Variants in ATXN1L observed in about 807,000 individuals in gnomAD.
ATXN1L encodes ataxin-1-like.
A neutral mutation model predicts 43.4 loss-of-function variants in ATXN1L; 8 were observed. That is an observed-to-expected ratio of 0.18 (90% CI 0.11 to 0.33). The LOEUF (loss-of-function observed/expected upper bound fraction) is 0.33, where lower values mean the gene tolerates loss of function less well. Among genes scored for constraint, ATXN1L ranks in the 10% least tolerant of loss-of-function variants. The pLI is 1.00. For synonymous variants in ATXN1L, 379 were observed against 360.6 expected, an observed-to-expected ratio of 1.05 and a Z score of -0.58; for missense variants, 856 against 885.4, an observed-to-expected ratio of 0.97 and a Z score of 0.42.
At chr16:71,847,081 A>G (rs752241444) in intron 1 of ATXN1L, among the ~76,000 whole-genome samples, 1 of 152,180 alleles carries the variant, frequency 6.6e-6, no homozygotes, top group Non-Finnish European at 1.5e-5. Context: ...GTGTTTTCCT[A>G]TCCTTCCACC....
In ATXN1L at chr16:71,849,986, G is replaced by A. The variant is rs1403967343; in HGVS notation, c.246G>A (p.Leu82=). ...TGACAGTGGACCAGTATGGCATGCT[G>A]TATAAGGTGGCTGTGCCGCCTGCCA... ...TGLTVDQYGM[L]YKVAVPPATF... Residue 82 remains leucine, a synonymous_variant, in exon 3 of 3, where the codon CTG becomes CTA. Coordinates refer to ENST00000427980, the MANE Select transcript of ATXN1L (RefSeq NM_001137675.4). 6 of 1,551,662 alleles carry A rather than the reference G, an allele frequency of 3.9e-6. No individual in the cohort carries two copies. In the South Asian group the frequency reaches 7.1e-5, roughly 18 times the overall value.
Position 71,850,611 on chromosome 16 carries a change from A to G in ATXN1L, c.871A>G (p.Asn291Asp). ...GGAAAGTGAAGCCCTTGACTCCCCC[A>G]ACAGCAAGGGTGAAGGCCAGGGACT... ...RRESEALDSP[N>D]SKGEGQGLVP... Residue 291 changes from asparagine to aspartate, a missense_variant, in exon 3 of 3, where the codon AAC (asparagine) becomes GAC (aspartate). Physicochemically the swap from Asn to Asp is conservative, Grantham distance 23. Transcript: ENST00000427980. 1.3e-6 allele frequency: 2 copies of G among 1,551,698 alleles called. No homozygotes were observed. Among genetic ancestry groups the G allele is most frequent in the Non-Finnish European group, 1.7e-6 (2 of 1,146,986 alleles).
Position 71,851,553 on chromosome 16 carries a change from C to T in ATXN1L, c.1813C>T (p.Arg605Ter). 1 of 1,551,554 alleles carries T rather than the reference C, an allele frequency of 6.4e-7. No homozygotes were observed. Among genetic ancestry groups the T allele is most frequent in the Non-Finnish European group, 8.7e-7 (1 of 1,146,946 alleles). The change falls in exon 3 of 3, where the codon CGA (arginine) becomes TGA (stop). Residue 605 changes from arginine to a stop codon, truncating the protein, a stop_gained. Transcript: ENST00000427980. LOFTEE classifies it high-confidence loss of function. This position sits in a 1 kb window ranked among gnomAD's most constrained non-coding sequence, Gnocchi z 4.9. ...CAPPSQLGPPRERPERTVLGS... is the reference protein window; with the variant it reads ...CAPPSQLGPP ...TCCCCCAAGCCAGCTGGGTCCCCCC[C>T]GAGAAAGGCCTGAGAGGACGGTCTT...
intron 1 of ATXN1L, among the ~76,000 whole-genome samples, chr16:71,846,915 A>G (rs1331246845): frequency 6.6e-6 from 1 of 152,124 alleles, no homozygotes; most frequent in African/African-American, 2.4e-5. Context: ...AGCAAGGATC[A>G]TTTTGGGATT....
chr16:71,851,847 GA>G lies in ATXN1L; in HGVS notation c.*38del. 1 of 1,385,644 alleles carries G rather than the reference GA, an allele frequency of 7.2e-7. No homozygotes were observed. The allele number at this position is 1,385,644 out of a possible 1,614,324, so 85.8% of individuals were successfully genotyped here. On this transcript the variant is annotated 3_prime_UTR_variant, in exon 3 of 3. Transcript: ENST00000427980. This position sits in a 1 kb window ranked among gnomAD's most constrained non-coding sequence, Gnocchi z 4.9. ...AGACCAGGACTGGGGCTTTACCCCA[GA>G]GCCTCGCCTCGCCGCCGTGAGCAGG...
At position 71,851,103 on chromosome 16, in the gene ATXN1L, C is replaced by A; in HGVS notation, c.1363C>A (p.Pro455Thr). ...CAGAGCCACCTTCCCAGACAAGGAG[C>A]CAACGCCGCCCCCCATTACCTCCTC... ...QARATFPDKE[P>T]TPPPITSSHL... The change falls in exon 3 of 3, where the codon CCA becomes ACA. Residue 455 changes from proline (P) to threonine (T), a missense_variant. This residue lies in a region of ATXN1L where 490 missense variants were observed against 449.4 expected (regional missense o/e 1.09). Transcript: ENST00000427980. The surrounding 1 kb of genome is among the most constrained non-coding windows in gnomAD (Gnocchi z 4.9). The A allele has an allele frequency of 6.4e-7, 1 of 1,551,602 alleles. No individual in the cohort carries two copies. Among genetic ancestry groups the A allele is most frequent in the Non-Finnish European group, 8.7e-7 (1 of 1,146,932 alleles).
At chr16:71,849,481 C>T (rs939993602) in intron 2 of ATXN1L, 143 bp from the exon 3 acceptor site, 15 of 329,724 alleles carry the variant, frequency 4.5e-5, no homozygotes, top group African/African-American at 8.5e-5. Flanking sequence ...GGGTAGCCTC[C>T]TTGTCTGCCC....
chr16:71,849,861 G>T lies in ATXN1L; in HGVS notation c.121G>T (p.Asp41Tyr), dbSNP rs754609244. The change falls in exon 3 of 3, where the codon GAT (aspartate) becomes TAT (tyrosine). Residue 41 changes from aspartate to tyrosine, a missense_variant. Physicochemically the swap from Asp to Tyr is radical, Grantham distance 160. Transcript: ENST00000427980. ...SCSTNHTPSS[D>Y]ASEWSRGVVV... ...CTCCACTAACCACACACCCTCCAGT[G>T]ATGCTTCTGAATGGTCCCGAGGGGT... 7.7e-6 allele frequency: 12 copies of T among 1,551,460 alleles called. No individual in the cohort carries two copies. The highest frequency in any genetic ancestry group is 1.0e-5 in the Non-Finnish European group (12 of 1,146,936).
intron 2 of ATXN1L, among the ~76,000 whole-genome samples, chr16:71,849,064 G>C (rs1392054936): frequency 6.6e-6 from 1 of 151,682 alleles, no homozygotes. Context: ...AAAATACAAA[G>C]TTAGCCAGGC....
chr16:71,850,909 G>C lies in ATXN1L; in HGVS notation c.1169G>C (p.Ser390Thr). ...AACCCTGCAGAGCTGGCAGAGAAAA[G>C]TCAGGCCCGTGGGTTCTACCCTCAG... ...ARNPAELAEKSQARGFYPQSH... is the reference protein window; with the variant it reads ...ARNPAELAEKTQARGFYPQSH... Residue 390 changes from serine to threonine, a missense_variant, in exon 3 of 3, where the codon AGT becomes ACT. By Grantham distance (58) the Ser-to-Thr change is moderately conservative. This residue lies in a region of ATXN1L where 490 missense variants were observed against 449.4 expected (regional missense o/e 1.09). Coordinates refer to ENST00000427980, the MANE Select transcript of ATXN1L (RefSeq NM_001137675.4). 1 of 1,551,684 alleles carries C rather than the reference G, an allele frequency of 6.4e-7. No homozygotes were observed. The highest frequency in any genetic ancestry group is 8.7e-7 in the Non-Finnish European group (1 of 1,146,952).
At chr16:71,847,885 C>T (rs555612589) in intron 1 of ATXN1L, 125 bp from the exon 2 acceptor site, 7 of 295,854 alleles carry the variant, frequency 2.4e-5, no homozygotes, top group Middle Eastern at 4.1e-4. Flanking sequence ...TACTGTTTAC[C>T]TGTGGAGAAG....
chr16:71,847,337 T>C (rs1014879949), intron 1 of ATXN1L, among the ~76,000 whole-genome samples: 1 of 152,210 alleles, frequency 6.6e-6, no homozygotes, highest in African/African-American at 2.4e-5. Flanking sequence ...GTTAGCCAGC[T>C]GAGGACCAAG....
In ATXN1L at chr16:71,852,937, ATC is replaced by A. The variant is rs1240949586; in HGVS notation, c.*1130_*1131del. ...TTCAGCTATAATCTCTATTTTTAAA[ATC>A]TCAAAATCATGTCCCCTCCACTTCC... On this transcript the variant is annotated 3_prime_UTR_variant, in exon 3 of 3. Transcript: ENST00000427980. The A allele has an allele frequency of 1.2e-5, 2 of 167,054 alleles. No individual in the cohort carries two copies. Among genetic ancestry groups the A allele is most frequent in the Non-Finnish European group, 2.9e-5 (2 of 68,136 alleles). 10.3% of individuals were successfully genotyped at this position (167,054 alleles called of 1,614,324 possible). A position where few individuals can be genotyped will look rare whatever the true frequency, so the allele number is the denominator to read the frequency against.
rs574410412 is a variant in ATXN1L at position 71,851,107 on chromosome 16, C to T, written c.1367C>T (p.Thr456Met). 19 of 1,551,576 alleles carry T rather than the reference C, an allele frequency of 1.2e-5. No homozygotes were observed. Among genetic ancestry groups the T allele is most frequent in the African/African-American group, 5.5e-5 (4 of 73,138 alleles). Residue 456 changes from threonine to methionine, a missense_variant, in exon 3 of 3, where the codon ACG (threonine) becomes ATG (methionine). By Grantham distance (81) the Thr-to-Met change is moderately conservative (BLOSUM62 -1). This residue lies in a region of ATXN1L where 490 missense variants were observed against 449.4 expected (regional missense o/e 1.09). Transcript: ENST00000427980. This position sits in a 1 kb window ranked among gnomAD's most constrained non-coding sequence, Gnocchi z 4.9. Reference sequence around the variant, plus strand: ...GCCACCTTCCCAGACAAGGAGCCAACGCCGCCCCCCATTACCTCCTCTCAC... The same window carrying T: ...GCCACCTTCCCAGACAAGGAGCCAATGCCGCCCCCCATTACCTCCTCTCAC... ...ARATFPDKEP[T>M]PPPITSSHLP... is the part of the protein sequence containing the mutation.
chr16:71,848,976 A>T (rs2033470093), intron 2 of ATXN1L, among the ~76,000 whole-genome samples: 1 of 151,910 alleles, frequency 6.6e-6, no homozygotes, highest in East Asian at 1.9e-4. Flanking sequence ...GCACTTTGGG[A>T]GGCTGAGGTG....
In ATXN1L at chr16:71,850,136, C is replaced by T. The variant is rs1487598565; in HGVS notation, c.396C>T (p.Leu132=). 1 of 1,551,764 alleles carries T rather than the reference C, an allele frequency of 6.4e-7. No individual in the cohort carries two copies. Among genetic ancestry groups the T allele is most frequent in the East Asian group, 2.4e-5 (1 of 40,920 alleles). Residue 132 remains leucine, a synonymous_variant, in exon 3 of 3, where the codon CTC becomes CTT. Coordinates refer to ENST00000427980, the MANE Select transcript of ATXN1L (RefSeq NM_001137675.4). ...IHYPPLHYAQ[L]PSTSLQFIGS... The stretch of plus-strand genomic sequence containing the variant: ...ATCCTCCACTCCACTATGCTCAGCT[C>T]CCATCCACCTCGCTGCAGTTCATTG...
Position 71,846,123 on chromosome 16 carries a change from G to A in ATXN1L, c.-180+19G>A. On this transcript the variant is annotated intron_variant, in intron 1 of 2. Transcript: ENST00000427980. ...TGGGCTGGTGAGTGTCCCTGGAAGT[G>A]GTGGCCGCCGGGGCCAGGCAGGCCT... 5.3e-6 allele frequency: 1 copy of A among 188,470 alleles called. No individual in the cohort carries two copies. The allele number at this position is 188,470 out of a possible 1,614,324, so 11.7% of individuals were successfully genotyped here.
At position 71,850,975 on chromosome 16, in the gene ATXN1L, C is replaced by G; in HGVS notation, c.1235C>G (p.Ala412Gly). The change falls in exon 3 of 3, where the codon GCA becomes GGA. Residue 412 changes from alanine to glycine, a missense_variant. Ala to Gly is a moderately conservative substitution (Grantham distance 60). Coordinates refer to ENST00000427980, the MANE Select transcript of ATXN1L (RefSeq NM_001137675.4). ...EPVKHRPLPKAMVVANGNLVP... is the reference protein window; with the variant it reads ...EPVKHRPLPKGMVVANGNLVP... Reference sequence around the variant, plus strand: ...GTAAAACATAGACCTTTACCCAAAGCAATGGTTGTAGCCAATGGCAACCTG... The same window carrying G: ...GTAAAACATAGACCTTTACCCAAAGGAATGGTTGTAGCCAATGGCAACCTG... 1 of 1,551,690 alleles carries G rather than the reference C, an allele frequency of 6.4e-7. No homozygotes were observed. Among genetic ancestry groups the G allele is most frequent in the Non-Finnish European group, 8.7e-7 (1 of 1,146,992 alleles).
Position 71,850,225 on chromosome 16 carries a change from C to T in ATXN1L, c.485C>T (p.Pro162Leu). The T allele has an allele frequency of 1.3e-6, 2 of 1,551,488 alleles. No homozygotes were observed. The highest frequency in any genetic ancestry group is 1.7e-6 in the Non-Finnish European group (2 of 1,146,978). ...TTCCTACCGAGTCCCCTCCTATCTCCTTCTGCCAACCTTGCCACCTCTCAC... is the reference window on the plus strand; with the variant it reads ...TTCCTACCGAGTCCCCTCCTATCTCTTTCTGCCAACCTTGCCACCTCTCAC... Reference protein sequence around the residue: ...PNFLPSPLLSPSANLATSHLP... With the variant: ...PNFLPSPLLSLSANLATSHLP... Residue 162 changes from proline (P) to leucine (L), a missense_variant, in exon 3 of 3, where the codon CCT becomes CTT. Transcript: ENST00000427980.
Sources: allele counts gnomAD v4.1 joint callset (sites outside exome capture counted in the v4.1 genomes callset), GRCh38; gene constraint gnomAD v4.1.1; regional missense constraint gnomAD v4.1.1; non-coding constraint Gnocchi (gnomAD v3.1); transcripts MANE v1.5; gene names NCBI Gene and HGNC (gene_info 2026-07-23, HGNC 2026-07-21).